RYR2: variants seen among roughly 807,000 people sequenced by gnomAD.
The protein encoded by RYR2 is cardiac muscle ryanodine receptor-calcium release channel.
Under a neutral mutation model 601.1 loss-of-function variants are expected in RYR2, and 227 were observed. The observed-to-expected ratio is 0.38, with a 90% CI of 0.34 to 0.42. RYR2 has a LOEUF of 0.42. Ranked by LOEUF, RYR2 falls within the 10% of genes least tolerant of loss-of-function variation. The pLI is 1.00. For missense variants in RYR2, 4,646 were observed against 6,156.5 expected (o/e 0.75, Z 8.21); for synonymous variants, 2,223 against 2,175.1 (o/e 1.02, Z -0.61).
At chr1:237,603,731 A>G (rs1255382032) in intron 35 of RYR2, among the ~76,000 whole-genome samples, 1 of 152,210 alleles carries the variant, frequency 6.6e-6, no homozygotes, top group Non-Finnish European at 1.5e-5. Flanking sequence ...ATGGAGGAAG[A>G]TCTACCAAGC....
At chr1:237,182,042 G>C (rs898228588) in intron 1 of RYR2, among the ~76,000 whole-genome samples, 5 of 152,104 alleles carry the variant, frequency 3.3e-5, no homozygotes, top group African/African-American at 1.2e-4. Context: ...TAAGACATTT[G>C]CTACATACAA....
chr1:237,516,300 G>A (rs533551263), intron 24 of RYR2, among the ~76,000 whole-genome samples: 33 of 145,184 alleles, frequency 2.3e-4, no homozygotes, highest in African/African-American at 8.3e-4. Context: ...ATTTTTTTTT[G>A]TAGAGATGGG....
chr1:237,494,254 A>G (rs1255100974), intron 19 of RYR2, among the ~76,000 whole-genome samples: 1 of 152,178 alleles, frequency 6.6e-6, no homozygotes, highest in Non-Finnish European at 1.5e-5. Flanking sequence ...GGGAGGCCAG[A>G]AGTGCAGCCT....
chr1:237,574,812 T>G (rs1291611004), intron 29 of RYR2, among the ~76,000 whole-genome samples: 1 of 152,122 alleles, frequency 6.6e-6, no homozygotes, highest in Non-Finnish European at 1.5e-5. Flanking sequence ...GGAAGATGAC[T>G]CCAACCCTCA....
At chr1:237,782,091 C>T (rs1356419311) in intron 89 of RYR2, among the ~76,000 whole-genome samples, 1 of 151,784 alleles carries the variant, frequency 6.6e-6, no homozygotes, top group Non-Finnish European at 1.5e-5. Flanking sequence ...TCCCCCAGGG[C>T]AGCTGGCAGT....
rs1680446937 is a variant in RYR2, at chr1:237,195,426, T to A, written c.49-75071T>A. Among the ~76,000 whole-genome samples the A allele has an allele frequency of 3.3e-5, 5 of 152,132 alleles. No homozygotes were observed. In the South Asian group the frequency reaches 1.0e-3, roughly 31 times the overall value. ...GTATCACCATGCCTGGCTAATTTTG[T>A]ATGTTTAGTAGAGACGGGGTTTCTC... On this transcript the variant is annotated intron_variant, in intron 1 of 104. Coordinates refer to ENST00000366574, the MANE Select transcript of RYR2 (RefSeq NM_001035.3).
At chr1:237,814,298 G>A (rs1406178028) in intron 100 of RYR2, among the ~76,000 whole-genome samples, 1 of 152,194 alleles carries the variant, frequency 6.6e-6, no homozygotes, top group Non-Finnish European at 1.5e-5. Flanking sequence ...GTTCTCAAAA[G>A]ATGATCCTTT....
intron 3 of RYR2, chr1:237,333,729 C>T (rs1696974343): frequency 9.2e-6 from 4 of 435,894 alleles, no homozygotes; most frequent in Admixed American, 7.8e-5. Context: ...GTCCCCTTTA[C>T]ACTCATTATG....
intron 2 of RYR2, among the ~76,000 whole-genome samples, chr1:237,310,856 C>T (rs1169008631): frequency 1.3e-5 from 2 of 152,132 alleles, no homozygotes; most frequent in African/African-American, 2.4e-5. Flanking sequence ...CTCAGTTGGT[C>T]TGAATGACAT....
intron 29 of RYR2, among the ~76,000 whole-genome samples, chr1:237,583,733 T>C (rs1280533664): frequency 6.6e-6 from 1 of 152,220 alleles, no homozygotes; most frequent in Non-Finnish European, 1.5e-5. Context: ...GCTGGTACGC[T>C]TGTGATCTGC....
intron 1 of RYR2, among the ~76,000 whole-genome samples, chr1:237,188,355 AT>A (rs574733375): frequency 1.2e-3 from 180 of 151,950 alleles, no homozygotes; most frequent in African/African-American, 4.0e-3. Flanking sequence ...CAGAGAAGGC[AT>A]TATGTCTTGC....
intron 1 of RYR2, among the ~76,000 whole-genome samples, chr1:237,091,409 G>T (rs1251613478): frequency 1.2e-5 from 1 of 84,042 alleles, no homozygotes; most frequent in Non-Finnish European, 2.3e-5. Flanking sequence ...AAACACCAGG[G>T]ACTTTTCTTT....
At chr1:237,229,551 G>GAA (rs1684746621) in intron 1 of RYR2, among the ~76,000 whole-genome samples, 1 of 152,064 alleles carries the variant, frequency 6.6e-6, no homozygotes, top group Non-Finnish European at 1.5e-5. Flanking sequence ...TGGTGACCCG[G>GAA]AAGTGACCCT....
chr1:237,695,693 T>C (rs1021603547), intron 63 of RYR2, among the ~76,000 whole-genome samples: 1 of 152,180 alleles, frequency 6.6e-6, no homozygotes, highest in East Asian at 1.9e-4. Flanking sequence ...CCTTACCACA[T>C]GCTTTACCTC....
chr1:237,418,865 T>A (rs1033529033), intron 11 of RYR2, among the ~76,000 whole-genome samples: 23 of 152,020 alleles, frequency 1.5e-4, no homozygotes, highest in African/African-American at 5.6e-4. Flanking sequence ...TCTACCTAAA[T>A]ATTAAAACTT....
At chr1:237,771,456 T>C (rs185430713) in intron 85 of RYR2, among the ~76,000 whole-genome samples, 4 of 151,856 alleles carry the variant, frequency 2.6e-5, no homozygotes, top group Admixed American at 2.0e-4. Context: ...AACATATAAA[T>C]AGTTATAGAG....
At chr1:237,294,281 C>T (rs2891874) in intron 2 of RYR2, among the ~76,000 whole-genome samples, 58,534 of 151,868 alleles carry the variant, frequency 0.39, 11,532 homozygotes, top group African/African-American at 0.46. Context: ...CATGGAGAGA[C>T]TGACTGTGCT....
At chr1:237,501,021 G>T in intron 21 of RYR2, 118 bp downstream of exon 21, 1 of 977,476 alleles carries the variant, frequency 1.0e-6, no homozygotes, top group Non-Finnish European at 1.6e-6. Flanking sequence ...CTGGGCACCT[G>T]TCCTCTGCGC....
intron 12 of RYR2, among the ~76,000 whole-genome samples, chr1:237,432,838 A>G (rs1026582662): frequency 6.0e-5 from 9 of 150,688 alleles, no homozygotes; most frequent in African/African-American, 2.2e-4. Context: ...GCTTCTGGAT[A>G]ACTTACTTCC....
Sources: gnomAD v4.1 joint callset for allele counts (sites outside exome capture counted in the v4.1 genomes callset) on GRCh38, gnomAD v4.1.1 for gene constraint, MANE v1.5 for transcripts, NCBI Gene and HGNC (gene_info 2026-07-23, HGNC 2026-07-21) for gene names.